The following CDH13 variants were observed in gnomAD, a reference collection of about 807,000 sequenced individuals.
CDH13 encodes cadherin-13.
A neutral mutation model predicts 63.8 loss-of-function variants in CDH13; 24 were observed. That is an observed-to-expected ratio of 0.38 (90% CI 0.27 to 0.53). The LOEUF is 0.53. Ranked by LOEUF, CDH13 falls within the 20% of genes least tolerant of loss-of-function variation. The probability of loss-of-function intolerance (pLI) is 0.85; values close to 1 mark genes in which losing one functional copy is unlikely to be tolerated. For missense variants in CDH13, 1,049 were observed against 903.1 expected, an observed-to-expected ratio of 1.16 and a Z score of -2.07; for synonymous variants, 503 against 355.3, an observed-to-expected ratio of 1.42 and a Z score of -4.67.
intron 2 of CDH13, among the ~76,000 whole-genome samples, chr16:82,951,614 A>C (rs1193404549): frequency 2.0e-5 from 3 of 152,168 alleles, no homozygotes; most frequent in African/African-American, 7.2e-5. Flanking sequence ...GAGTTTCCTT[A>C]CTGCCAGCAT....
At chr16:82,735,779 G>A (rs554804732) in intron 1 of CDH13, among the ~76,000 whole-genome samples, 1 of 152,152 alleles carries the variant, frequency 6.6e-6, no homozygotes, top group Admixed American at 6.5e-5. Flanking sequence ...GAACAGCAGC[G>A]TTCTGCCAAA....
chr16:83,190,554 A>C (rs940021252), intron 4 of CDH13, among the ~76,000 whole-genome samples: 1 of 152,160 alleles, frequency 6.6e-6, no homozygotes, highest in Non-Finnish European at 1.5e-5. Flanking sequence ...TGGCAAAATG[A>C]TGAATAACAC....
At chr16:82,817,802 C>T (rs1325165980) in intron 1 of CDH13, among the ~76,000 whole-genome samples, 1 of 152,096 alleles carries the variant, frequency 6.6e-6, no homozygotes, top group African/African-American at 2.4e-5. Context: ...GAGACTCCAT[C>T]TCAAAAAATC....
chr16:83,254,070 G>A (rs956164000), intron 5 of CDH13, among the ~76,000 whole-genome samples: 2 of 152,156 alleles, frequency 1.3e-5, no homozygotes, highest in African/African-American at 4.8e-5. Context: ...ACGCCGCAGT[G>A]TTCCTTTGAC....
intron 8 of CDH13, among the ~76,000 whole-genome samples, chr16:83,637,069 T>C (rs1036334211): frequency 1.3e-5 from 2 of 152,230 alleles, no homozygotes; most frequent in African/African-American, 2.4e-5. Flanking sequence ...TCTTGAGACA[T>C]GTCTGTTCAT....
chr16:83,693,698 C>T (rs758286113), intron 10 of CDH13, among the ~76,000 whole-genome samples: 6 of 152,180 alleles, frequency 3.9e-5, no homozygotes, highest in African/African-American at 7.2e-5. Context: ...GATTTATGAA[C>T]GTTTGCAGCT....
chr16:83,119,719 A>G (rs1050307315), intron 3 of CDH13, among the ~76,000 whole-genome samples: 4 of 152,294 alleles, frequency 2.6e-5, no homozygotes, highest in African/African-American at 9.6e-5. Flanking sequence ...ACAAACACAG[A>G]GAGTTGTCCC....
intron 2 of CDH13, among the ~76,000 whole-genome samples, chr16:82,897,622 A>C (rs1448169371): frequency 6.6e-6 from 1 of 152,224 alleles, no homozygotes; most frequent in African/African-American, 2.4e-5. Flanking sequence ...ACAACTAATA[A>C]ATGACTCAGC....
At chr16:82,880,771 A>G (rs2040674986) in intron 2 of CDH13, among the ~76,000 whole-genome samples, 2 of 152,232 alleles carry the variant, frequency 1.3e-5, no homozygotes, top group Non-Finnish European at 2.9e-5. Context: ...TAATATTGAT[A>G]TTAAGGTCAA....
rs116891224 is a variant in CDH13 at position 82,986,208 on chromosome 16, G to C, written c.158-45802G>C. ...CAGGCACTCTGTAGAGATCAATACT[G>C]TCCCTAGGATGCTGTGAATTTTCAT... On this transcript the variant is annotated intron_variant, in intron 2 of 13. Transcript: ENST00000567109. 4.2e-3 allele frequency among the ~76,000 whole-genome samples: 635 copies of C among 152,298 alleles called. 41 individuals are homozygous for C. In the East Asian group the frequency reaches 0.093, roughly 22 times the overall value.
At chr16:83,248,314 C>T (rs1270384969) in intron 5 of CDH13, among the ~76,000 whole-genome samples, 1 of 152,104 alleles carries the variant, frequency 6.6e-6, no homozygotes, top group African/African-American at 2.4e-5. Context: ...AAAAATCCTA[C>T]CCTCTAGCTA....
chr16:83,013,036 G>A (rs919366285), intron 2 of CDH13, among the ~76,000 whole-genome samples: 1 of 152,192 alleles, frequency 6.6e-6, no homozygotes, highest in Non-Finnish European at 1.5e-5. Context: ...TTACTTGCCT[G>A]AGCACTTAGG....
intron 2 of CDH13, among the ~76,000 whole-genome samples, chr16:82,860,283 T>A (rs2039883620): frequency 6.6e-6 from 1 of 151,460 alleles, no homozygotes; most frequent in Non-Finnish European, 1.5e-5. Flanking sequence ...AAACAGTTTT[T>A]AATTCGCTGC....
chr16:83,568,420 C>T (rs564044475), intron 7 of CDH13, among the ~76,000 whole-genome samples: 3 of 152,258 alleles, frequency 2.0e-5, no homozygotes, highest in East Asian at 1.9e-4. Context: ...TACTTGTTCA[C>T]GGTTCATTTA....
At chr16:83,371,526 A>G (rs1369229800) in intron 6 of CDH13, among the ~76,000 whole-genome samples, 1 of 152,266 alleles carries the variant, frequency 6.6e-6, no homozygotes, top group African/African-American at 2.4e-5. Context: ...TTTAGGTGGC[A>G]TAGAGGTGAT....
intron 4 of CDH13, among the ~76,000 whole-genome samples, chr16:83,150,689 A>G (rs2036942006): frequency 6.6e-6 from 1 of 152,180 alleles, no homozygotes; most frequent in Non-Finnish European, 1.5e-5. Flanking sequence ...TATTTACTAT[A>G]TGCTTATATA....
chr16:82,663,241 C>T (rs1395967684), intron 1 of CDH13, among the ~76,000 whole-genome samples: 2 of 152,176 alleles, frequency 1.3e-5, no homozygotes, highest in Non-Finnish European at 2.9e-5. Flanking sequence ...GGCTGGAGTG[C>T]AATGGCGCGA....
chr16:83,691,260 C>T (rs1275335615), intron 10 of CDH13, among the ~76,000 whole-genome samples: 3 of 152,244 alleles, frequency 2.0e-5, no homozygotes, highest in South Asian at 2.1e-4. Flanking sequence ...TACAGGAATT[C>T]GGTCTTGTTC....
intron 2 of CDH13, among the ~76,000 whole-genome samples, chr16:82,899,287 T>A (rs555630957): frequency 6.6e-6 from 1 of 152,304 alleles, no homozygotes; most frequent in Non-Finnish European, 1.5e-5. Context: ...CTACCCATGG[T>A]CCCTAGAGTC....
Sources: gnomAD v4.1 joint callset for allele counts (sites outside exome capture counted in the v4.1 genomes callset) on GRCh38, gnomAD v4.1.1 for gene constraint, MANE v1.5 for transcripts, NCBI Gene and HGNC (gene_info 2026-07-23, HGNC 2026-07-21) for gene names.